Variants in TLN2 observed in about 807,000 individuals in gnomAD.
TLN2 encodes the protein talin 2.
In TLN2, 118 loss-of-function variants were observed where a neutral mutation model predicts 294.7. The ratio of observed to expected loss-of-function variants is 0.40; its 90% CI spans 0.34 to 0.47. TLN2 has a LOEUF of 0.47. TLN2 is among the 20% of genes least tolerant of loss of function. TLN2 has a pLI of 0.84. For missense variants in TLN2, 3,083 were observed against 3,282.2 expected (o/e 0.94, Z 1.48); for synonymous variants, 1,431 against 1,304.5 (o/e 1.10, Z -2.09).
rs115135895 is a variant in TLN2 at position 62,679,727 on chromosome 15, G to A, written c.957+4406G>A. Among the ~76,000 whole-genome samples, 347 of 152,290 alleles carry A rather than the reference G, an allele frequency of 2.3e-3. 3 individuals carry two copies. The highest frequency in any genetic ancestry group is 8.1e-3 in the African/African-American group (337 of 41,566). ...ACAGTAATACAGAAAGGTCGTATGT[G>A]CTCTTCATCAGGTTTCCTCCAATGC... On this transcript the variant is annotated intron_variant, in intron 11 of 58. Coordinates refer to ENST00000636159, the MANE Select transcript of TLN2 (RefSeq NM_015059.3).
chr15:62,444,699 A>G (rs1019583395), intron 1 of TLN2, among the ~76,000 whole-genome samples: 5 of 152,230 alleles, frequency 3.3e-5, no homozygotes, highest in African/African-American at 1.2e-4. Context: ...CTAAGGCTCT[A>G]AACTTTTTGG....
At chr15:62,493,367 A>C (rs2038849183) in intron 1 of TLN2, among the ~76,000 whole-genome samples, 2 of 152,272 alleles carry the variant, frequency 1.3e-5, no homozygotes, top group African/African-American at 4.8e-5. Context: ...CACTGGTGAC[A>C]TACCCACCCC....
At chr15:62,649,926 C>G (rs1449649064) in intron 4 of TLN2, 158 bp from the exon 5 acceptor site, 1 of 665,726 alleles carries the variant, frequency 1.5e-6, no homozygotes, top group East Asian at 2.7e-5. Flanking sequence ...CAGATCTGCT[C>G]CAGCCCTGAT....
chr15:62,566,635 T>C (rs2043419822), intron 1 of TLN2, among the ~76,000 whole-genome samples: 1 of 151,444 alleles, frequency 6.6e-6, no homozygotes, highest in Non-Finnish European at 1.5e-5. Context: ...TTTTTTTTTT[T>C]TTTTTTGAGA....
At chr15:62,513,541 G>A (rs2040036553) in intron 1 of TLN2, among the ~76,000 whole-genome samples, 1 of 152,190 alleles carries the variant, frequency 6.6e-6, no homozygotes, top group Non-Finnish European at 1.5e-5. Flanking sequence ...TGGAGGGAGT[G>A]TATCCCATAA....
chr15:62,702,249 A>G, intron 18 of TLN2, 49 bp downstream of exon 18: 1 of 1,525,342 alleles, frequency 6.6e-7, no homozygotes, highest in Non-Finnish European at 8.8e-7. Flanking sequence ...GGACAGCTGC[A>G]TCCACTGGGG....
chr15:62,623,156 G>A (rs186756429), intron 3 of TLN2, among the ~76,000 whole-genome samples: 19 of 152,216 alleles, frequency 1.2e-4, no homozygotes, highest in African/African-American at 2.2e-4. Context: ...TAATCTGTGC[G>A]GGAGTGGAAA....
chr15:62,804,740 G>A (rs1405911835), intron 50 of TLN2, among the ~76,000 whole-genome samples: 1 of 152,180 alleles, frequency 6.6e-6, no homozygotes, highest in Non-Finnish European at 1.5e-5. Flanking sequence ...CAGCAGTGAT[G>A]TTTGACATTG....
At chr15:62,531,390 G>T (rs536655152) in intron 1 of TLN2, among the ~76,000 whole-genome samples, 77 of 152,200 alleles carry the variant, frequency 5.1e-4, no homozygotes, top group African/African-American at 1.8e-3. Flanking sequence ...TAGAATGGTG[G>T]TTACCAGGGG....
chr15:62,487,233 G>C (rs1426605677), intron 1 of TLN2, among the ~76,000 whole-genome samples: 1 of 152,164 alleles, frequency 6.6e-6, no homozygotes, highest in Admixed American at 6.5e-5. Flanking sequence ...TTGATTCCGT[G>C]TGGTCAACTT....
At position 62,653,142 on chromosome 15, in the gene TLN2, A is replaced by C; in HGVS notation, c.365-20A>C. 1 of 1,517,816 alleles carries C rather than the reference A, an allele frequency of 6.6e-7. No individual in the cohort carries two copies. The highest frequency in any genetic ancestry group is 8.9e-7 in the Non-Finnish European group (1 of 1,128,922). 94.0% of individuals were successfully genotyped at this position (1,517,816 alleles called of 1,614,324 possible). A position where few individuals can be genotyped will look rare whatever the true frequency, so the allele number is the denominator to read the frequency against. On this transcript the variant is annotated intron_variant, in intron 6 of 58. Coordinates refer to ENST00000636159, the MANE Select transcript of TLN2 (RefSeq NM_015059.3). The stretch of plus-strand genomic sequence containing the variant: ...AGCAGTTTAATTATTTATAATTATA[A>C]CCTAATTTCCAATGTTTAGGAATAA...
At chr15:62,823,883 G>A in intron 54 of TLN2, 1 of 466,284 alleles carries the variant, frequency 2.1e-6, no homozygotes, top group Non-Finnish European at 4.4e-6. Context: ...TGCTGCAAAA[G>A]TGACCACCCC....
At chr15:62,769,746 A>G (rs2063233759) in intron 41 of TLN2, among the ~76,000 whole-genome samples, 1 of 151,574 alleles carries the variant, frequency 6.6e-6, no homozygotes, top group Admixed American at 6.6e-5. Context: ...TCATTCTTCT[A>G]ACATGTGATG....
chr15:62,525,128 G>A (rs1021299945), intron 1 of TLN2, among the ~76,000 whole-genome samples: 4 of 152,170 alleles, frequency 2.6e-5, no homozygotes, highest in Admixed American at 6.5e-5. Context: ...AAGGTCACAC[G>A]ATTCCTTCCC....
chr15:62,649,696 G>C (rs1247228305), intron 4 of TLN2, among the ~76,000 whole-genome samples: 1 of 152,132 alleles, frequency 6.6e-6, no homozygotes, highest in East Asian at 1.9e-4. Flanking sequence ...GGCATAGGTG[G>C]TCACTTCCTT....
chr15:62,651,569 C>G (rs1319590616), intron 5 of TLN2, among the ~76,000 whole-genome samples: 1 of 151,988 alleles, frequency 6.6e-6, no homozygotes, highest in Non-Finnish European at 1.5e-5. Context: ...CTGGTCAAAA[C>G]AAACAAGAAA....
At chr15:62,637,725 C>T (rs11852684) in intron 3 of TLN2, 87,829 of 152,304 alleles carry the variant, frequency 0.58, 25,648 homozygotes, top group Middle Eastern at 0.7. Context: ...TCAGGCCAGG[C>T]GGGCTGGTGT....
Position 62,708,610 on chromosome 15 carries a change from A to C in TLN2, c.2281A>C (p.Thr761Pro). The C allele has an allele frequency of 1.2e-6, 2 of 1,614,172 alleles. No individual in the cohort carries two copies. The highest frequency in any genetic ancestry group is 1.7e-6 in the Non-Finnish European group (2 of 1,180,018). The change falls in exon 21 of 59, where the codon ACT becomes CCT. Residue 761 changes from threonine to proline, a missense_variant. Physicochemically the swap from Thr to Pro is conservative, Grantham distance 38. Coordinates refer to ENST00000636159, the MANE Select transcript of TLN2 (RefSeq NM_015059.3). ...CTGTGTCCGTGCCTGCCAGGCGGCC[A>C]CTACCGATAGTGAGCTCCTGAAGCA... ...ENCVRACQAA[T>P]TDSELLKQVS...
At chr15:62,515,336 G>A (rs148716911) in intron 1 of TLN2, among the ~76,000 whole-genome samples, 3 of 152,228 alleles carry the variant, frequency 2.0e-5, no homozygotes, top group African/African-American at 4.8e-5. Context: ...GTAATCCATT[G>A]TGTGAATATA....
Sources: allele counts gnomAD v4.1 joint callset (sites outside exome capture counted in the v4.1 genomes callset), GRCh38; gene constraint gnomAD v4.1.1; transcripts MANE v1.5; gene names NCBI Gene and HGNC (gene_info 2026-07-23, HGNC 2026-07-21).